LPCAT2: variants seen among roughly 807,000 people sequenced by gnomAD.
LPCAT2 encodes lysophosphatidylcholine acyltransferase 2.
In LPCAT2, 58 loss-of-function variants were observed where a neutral mutation model predicts 64.7. The ratio of observed to expected loss-of-function variants is 0.90; its 90% CI spans 0.73 to 1.12. LPCAT2 has a LOEUF of 1.12. LPCAT2 is among the 50% of genes most tolerant of loss of function. The pLI, the probability that LPCAT2 is intolerant of heterozygous loss-of-function variation, is 0.00. For missense variants in LPCAT2, 579 were observed against 669.8 expected (o/e 0.86, Z 1.50); for synonymous variants, 252 against 245.3 (o/e 1.03, Z -0.26).
chr16:55,537,779 C>G (rs745824194), intron 8 of LPCAT2, 147 bp downstream of exon 8: 1 of 632,622 alleles, frequency 1.6e-6, no homozygotes, highest in Non-Finnish European at 2.7e-6. Flanking sequence ...AGATTTAGCC[C>G]TTGAAATCAT....
intron 1 of LPCAT2, among the ~76,000 whole-genome samples, chr16:55,524,925 G>A (rs1362810613): frequency 6.6e-6 from 1 of 151,968 alleles, no homozygotes; most frequent in African/African-American, 2.4e-5. Context: ...AATGGCTGGT[G>A]TATTACATAG....
At chr16:55,528,105 C>T (rs1963197954) in intron 2 of LPCAT2, among the ~76,000 whole-genome samples, 2 of 152,178 alleles carry the variant, frequency 1.3e-5, no homozygotes, top group Admixed American at 1.3e-4. Flanking sequence ...TCAGTTTTCT[C>T]ATCTATAAAA....
Position 55,585,780 on chromosome 16 carries a change from C to T in LPCAT2, c.*2682C>T, listed in dbSNP as rs1248201204. The T allele has an allele frequency of 6.6e-6, 1 of 152,152 alleles. No individual in the cohort carries two copies. The highest frequency in any genetic ancestry group is 1.5e-5 in the Non-Finnish European group (1 of 68,034). The allele number at this position is 152,152 out of a possible 1,614,324, so 9.4% of individuals were successfully genotyped here. A position where few individuals can be genotyped will look rare whatever the true frequency, so the allele number is the denominator to read the frequency against. On this transcript the variant is annotated 3_prime_UTR_variant, in exon 14 of 14. Transcript: ENST00000262134. Reference sequence around the variant, plus strand: ...AATGCATATTTAAAGGAGACTGCCTCGCTTTTAGAAGACATCTGGTCTGCT... The same window carrying T: ...AATGCATATTTAAAGGAGACTGCCTTGCTTTTAGAAGACATCTGGTCTGCT...
chr16:55,570,503 C>A lies in LPCAT2; in HGVS notation c.1216-4128C>A, dbSNP rs369078328. Among the ~76,000 whole-genome samples the A allele has an allele frequency of 2.7e-4, 41 of 152,164 alleles. No individual in the cohort carries two copies. The East Asian group carries it at 5.6e-3, about 21-fold the overall frequency. ...CCCCACAACTAGCCAAGCAAGTTGG[C>A]GCACACCTGTAGTCCCTGCTACTTG... On this transcript the variant is annotated intron_variant, in intron 11 of 13. Coordinates refer to ENST00000262134, the MANE Select transcript of LPCAT2 (RefSeq NM_017839.5).
chr16:55,545,516 G>A (rs529028240), intron 8 of LPCAT2: 29 of 384,616 alleles, frequency 7.5e-5, no homozygotes, highest in Non-Finnish European at 1.3e-4. Flanking sequence ...GAGTTGAAAT[G>A]GTTCATCAAA....
chr16:55,567,486 T>A (rs1205848332), intron 11 of LPCAT2: 1 of 1,613,160 alleles, frequency 6.2e-7, no homozygotes, highest in Non-Finnish European at 8.5e-7. Flanking sequence ...ATGGCTGCAG[T>A]TGACCATGTA....
At chr16:55,529,109 A>C (rs1435306478) in intron 3 of LPCAT2, among the ~76,000 whole-genome samples, 1 of 152,178 alleles carries the variant, frequency 6.6e-6, no homozygotes, top group East Asian at 1.9e-4. Flanking sequence ...GCCATGAAAA[A>C]TAATGACGCA....
chr16:55,520,770 A>G (rs1307348666), intron 1 of LPCAT2, among the ~76,000 whole-genome samples: 10 of 151,984 alleles, frequency 6.6e-5, no homozygotes, highest in Non-Finnish European at 1.3e-4. Flanking sequence ...TGGGTCAAAA[A>G]TATATTACAA....
chr16:55,563,267 T>C (rs1245279657), intron 11 of LPCAT2, among the ~76,000 whole-genome samples: 1 of 151,814 alleles, frequency 6.6e-6, no homozygotes, highest in Non-Finnish European at 1.5e-5. Context: ...CCAGGACCAG[T>C]TGGCTTCACT....
intron 11 of LPCAT2, among the ~76,000 whole-genome samples, chr16:55,571,501 A>T (rs1596886823): frequency 6.6e-6 from 1 of 151,730 alleles, no homozygotes; most frequent in Admixed American, 6.6e-5. Flanking sequence ...ACCCAATGTA[A>T]CTCCTTAGTT....
At chr16:55,517,099 A>G (rs1755256877) in intron 1 of LPCAT2, among the ~76,000 whole-genome samples, 1 of 152,162 alleles carries the variant, frequency 6.6e-6, no homozygotes, top group African/African-American at 2.4e-5. Context: ...TCTGAAAAAA[A>G]CTGACAAATA....
chr16:55,514,924 G>GTGTGTGTT (rs1386303888), intron 1 of LPCAT2, among the ~76,000 whole-genome samples: 4 of 151,396 alleles, frequency 2.6e-5, no homozygotes, highest in Non-Finnish European at 5.9e-5. Flanking sequence ...GTGTGTGTGT[G>GTGTGTGTT]TGTGTGTATT....
At chr16:55,536,347 T>C (rs902185833) in intron 7 of LPCAT2, among the ~76,000 whole-genome samples, 2 of 152,186 alleles carry the variant, frequency 1.3e-5, no homozygotes, top group Non-Finnish European at 2.9e-5. Flanking sequence ...TTATGTGTGG[T>C]TTCATATTTT....
Position 55,525,537 on chromosome 16 carries a change from A to G in LPCAT2, c.201A>G (p.Pro67=). 2 of 1,609,680 alleles carry G rather than the reference A, an allele frequency of 1.2e-6. No individual in the cohort carries two copies. Among genetic ancestry groups the G allele is most frequent in the Non-Finnish European group, 1.7e-6 (2 of 1,177,790 alleles). Residue 67 remains proline (P), a synonymous_variant, in exon 2 of 14, where the codon CCA becomes CCG. Transcript: ENST00000262134. ...QIVLLGIILL[P]IRVLLVALIL... ...TCCTTCTTGGGATTATCTTGCTTCC[A>G]ATTCGTGTCTTATTGGTTGCGTTAA...
intron 11 of LPCAT2, among the ~76,000 whole-genome samples, chr16:55,554,268 A>G (rs1324451194): frequency 6.6e-6 from 1 of 152,188 alleles, no homozygotes; most frequent in African/African-American, 2.4e-5. Context: ...AAAGTCGTAG[A>G]TGGCATTTTC....
intron 12 of LPCAT2, among the ~76,000 whole-genome samples, chr16:55,577,745 A>C (rs1963843856): frequency 6.6e-6 from 1 of 151,990 alleles, no homozygotes; most frequent in Non-Finnish European, 1.5e-5. Context: ...CCTCCTCCTA[A>C]ACCATATTCA....
intron 6 of LPCAT2, among the ~76,000 whole-genome samples, chr16:55,533,099 C>A (rs1382346511): frequency 6.6e-6 from 1 of 152,112 alleles, no homozygotes; most frequent in Non-Finnish European, 1.5e-5. Context: ...TATTACTGAA[C>A]TTCAGGAAGA....
intron 11 of LPCAT2, among the ~76,000 whole-genome samples, chr16:55,557,542 C>T (rs773124041): frequency 1.2e-4 from 19 of 152,140 alleles, no homozygotes; most frequent in Non-Finnish European, 2.6e-4. Flanking sequence ...ACTAAGTACA[C>T]AATGGGAGGA....
intron 4 of LPCAT2, among the ~76,000 whole-genome samples, chr16:55,530,230 A>G (rs919701218): frequency 1.6e-4 from 24 of 152,280 alleles, no homozygotes; most frequent in African/African-American, 5.8e-4. Context: ...TCTAAATTTA[A>G]TTACCACTTT....
Sources: gnomAD v4.1 joint callset for allele counts (sites outside exome capture counted in the v4.1 genomes callset) on GRCh38, gnomAD v4.1.1 for gene constraint, MANE v1.5 for transcripts, NCBI Gene and HGNC (gene_info 2026-07-23, HGNC 2026-07-21) for gene names.